KCNC1: variants seen among roughly 807,000 people sequenced by gnomAD.
KCNC1 encodes potassium voltage-gated channel subfamily C member 1.
In KCNC1, 8 loss-of-function variants were observed where a neutral mutation model predicts 43.4. The observed-to-expected ratio is 0.18, with a 90% CI of 0.11 to 0.33. The LOEUF (loss-of-function observed/expected upper bound fraction) is 0.33. Among genes scored for constraint, KCNC1 ranks in the 10% least tolerant of loss-of-function variants. The pLI is 1.00. For missense variants in KCNC1, 420 were observed against 836.0 expected (o/e 0.50, Z 6.14); for synonymous variants, 361 against 360.5 (o/e 1.00, Z -0.01).
chr11:17,775,986 G>A, intron 2 of KCNC1: 1 of 985,396 alleles, frequency 1.0e-6, no homozygotes, highest in Non-Finnish European at 1.2e-6. Context: ...TCCATGGAGG[G>A]GGGAGGGAGC....
chr11:17,781,749 C>T lies in KCNC1; in HGVS notation c.*15C>T, dbSNP rs753071399. On this transcript the variant is annotated 3_prime_UTR_variant, in exon 4 of 4. Transcript: ENST00000265969. This position sits in a 1 kb window ranked among gnomAD's most constrained non-coding sequence, Gnocchi z 5.1. ...GAGTGACTTGACCAGGCGGCTTGGC[C>T]GAGGACACTGGTGGCTATTAAGCAT... 64 of 1,542,888 alleles carry T rather than the reference C, an allele frequency of 4.1e-5. No individual in the cohort carries two copies. In the Admixed American group the frequency reaches 5.5e-4, roughly 13 times the overall value.
chr11:17,764,289 T>A lies in KCNC1; in HGVS notation c.571-7376T>A, dbSNP rs528526207. Among the ~76,000 whole-genome samples the A allele has an allele frequency of 8.1e-3, 1,026 of 125,966 alleles. 13 individuals are homozygous for A. The highest frequency in any genetic ancestry group is 8.9e-3 in the Non-Finnish European group (570 of 63,744). The allele number at this position is 125,966 out of a possible 152,430, so 82.6% of individuals were successfully genotyped here. ...CGCACACAAAGTTCCATACACACACTCACACACACCACTTCATACCTGTCT... is the reference window on the plus strand; with the variant it reads ...CGCACACAAAGTTCCATACACACACACACACACACCACTTCATACCTGTCT... On this transcript the variant is annotated intron_variant, in intron 1 of 3. Transcript: ENST00000265969.
At chr11:17,761,626 A>G (rs1206570752) in intron 1 of KCNC1, among the ~76,000 whole-genome samples, 1 of 152,170 alleles carries the variant, frequency 6.6e-6, no homozygotes, top group Non-Finnish European at 1.5e-5. Flanking sequence ...AGGTCTCTGG[A>G]GCCAAGTCCA....
Position 17,779,303 on chromosome 11 carries a change from C to CT in KCNC1, c.1505-151dup. ...CTGAACCCCCCACCAAGCCCCCTGCCTTGTGCCCTCCTCGCTCCACAGCCT... is the reference window on the plus strand; with the variant it reads ...CTGAACCCCCCACCAAGCCCCCTGCCTTTGTGCCCTCCTCGCTCCACAGCCT... On this transcript the variant is annotated intron_variant, in intron 2 of 3. Coordinates refer to ENST00000265969, the MANE Select transcript of KCNC1 (RefSeq NM_001112741.2). This position sits in a 1 kb window ranked among gnomAD's most constrained non-coding sequence, Gnocchi z 7.2. 1.6e-6 allele frequency: 1 copy of CT among 617,580 alleles called. No individual in the cohort carries two copies. The highest frequency in any genetic ancestry group is 2.7e-6 in the Non-Finnish European group (1 of 366,678). 38.3% of individuals were successfully genotyped at this position (617,580 alleles called of 1,614,324 possible).
At position 17,739,282 on chromosome 11, in the gene KCNC1, G is replaced by C. The variant is rs765809337; in HGVS notation, c.570+2710G>C. Among the ~76,000 whole-genome samples the C allele has an allele frequency of 4.6e-5, 7 of 152,222 alleles. No individual in the cohort carries two copies. The highest frequency in any genetic ancestry group is 6.5e-5 in the Admixed American group (1 of 15,284). Reference sequence around the variant, plus strand: ...TGTGTGAAGGAAAGGCTGTATGTGTGAGACAGAGGCTCTTTGTAAGAGAGA... The same window carrying C: ...TGTGTGAAGGAAAGGCTGTATGTGTCAGACAGAGGCTCTTTGTAAGAGAGA... On this transcript the variant is annotated intron_variant, in intron 1 of 3. Transcript: ENST00000265969. The surrounding 1 kb of genome is among the most constrained non-coding windows in gnomAD (Gnocchi z 4.2).
At chr11:17,740,566 G>A (rs1406386863) in intron 1 of KCNC1, among the ~76,000 whole-genome samples, 1 of 152,150 alleles carries the variant, frequency 6.6e-6, no homozygotes, top group South Asian at 2.1e-4. Context: ...TCTCTGATTT[G>A]CATGTCATCA....
chr11:17,778,323 C>T (rs1462470556), intron 2 of KCNC1, among the ~76,000 whole-genome samples: 2 of 152,256 alleles, frequency 1.3e-5, no homozygotes, highest in Non-Finnish European at 2.9e-5. Context: ...TCCCAGACCT[C>T]CTCCCAGGCT....
At chr11:17,764,135 A>G (rs1247588944) in intron 1 of KCNC1, among the ~76,000 whole-genome samples, 14 of 124,858 alleles carry the variant, frequency 1.1e-4, no homozygotes, top group Middle Eastern at 9.5e-3. Context: ...ACACACACAC[A>G]CCCCCCCACA....
chr11:17,764,290 C>T lies in KCNC1; in HGVS notation c.571-7375C>T, dbSNP rs574865196. The stretch of plus-strand genomic sequence containing the variant: ...GCACACAAAGTTCCATACACACACT[C>T]ACACACACCACTTCATACCTGTCTC... On this transcript the variant is annotated intron_variant, in intron 1 of 3. Transcript: ENST00000265969. 2.3e-5 allele frequency among the ~76,000 whole-genome samples: 3 copies of T among 129,886 alleles called. No individual in the cohort carries two copies. The South Asian group carries it at 6.9e-4, about 30-fold the overall frequency. 85.2% of individuals were successfully genotyped at this position (129,886 alleles called of 152,430 possible).
chr11:17,768,622 GGC>G (rs1341903567), intron 1 of KCNC1, among the ~76,000 whole-genome samples: 1 of 150,736 alleles, frequency 6.6e-6, no homozygotes, highest in Non-Finnish European at 1.5e-5. Context: ...TGGGGGGGGG[GGC>G]GGTTTGGGAA....
intron 1 of KCNC1, among the ~76,000 whole-genome samples, chr11:17,746,079 G>T (rs1189586325): frequency 2.0e-5 from 3 of 152,198 alleles, no homozygotes; most frequent in Non-Finnish European, 4.4e-5. Context: ...AGCAAGTAGG[G>T]TTCAAGGCCG....
At chr11:17,749,201 C>G (rs532433131) in intron 1 of KCNC1, among the ~76,000 whole-genome samples, 1 of 152,348 alleles carries the variant, frequency 6.6e-6, no homozygotes, top group East Asian at 1.9e-4. Flanking sequence ...ACGAGAGTCC[C>G]TACTTCAAAG....
chr11:17,767,744 G>A (rs562909511), intron 1 of KCNC1, among the ~76,000 whole-genome samples: 77 of 152,324 alleles, frequency 5.1e-4, no homozygotes, highest in South Asian at 3.3e-3. Flanking sequence ...GAAGGCAGGC[G>A]CCCAGGGAGC....
intron 1 of KCNC1, among the ~76,000 whole-genome samples, chr11:17,752,303 G>A (rs543723275): frequency 2.0e-5 from 3 of 152,176 alleles, no homozygotes; most frequent in Non-Finnish European, 4.4e-5. Flanking sequence ...CCAGCACCAA[G>A]CTGCACCCCC....
In KCNC1 at chr11:17,763,033, T is replaced by C. The variant is rs150533676; in HGVS notation, c.571-8632T>C. Among the ~76,000 whole-genome samples the C allele has an allele frequency of 5.3e-3, 813 of 152,322 alleles. 6 individuals are homozygous for C. The highest frequency in any genetic ancestry group is 0.019 in the African/African-American group (777 of 41,562). ...TACGCATCTTGGGATGAAAGTACCATAGGAACCCCTGCCACCTCGGGATGG... is the reference window on the plus strand; with the variant it reads ...TACGCATCTTGGGATGAAAGTACCACAGGAACCCCTGCCACCTCGGGATGG... On this transcript the variant is annotated intron_variant, in intron 1 of 3. Coordinates refer to ENST00000265969, the MANE Select transcript of KCNC1 (RefSeq NM_001112741.2).
chr11:17,761,646 T>C (rs540203056), intron 1 of KCNC1, among the ~76,000 whole-genome samples: 111 of 152,302 alleles, frequency 7.3e-4, no homozygotes, highest in Non-Finnish European at 3.7e-4. Context: ...AGGCCTCCTT[T>C]CCTTCCACCA....
At chr11:17,760,807 C>A (rs924701524) in intron 1 of KCNC1, among the ~76,000 whole-genome samples, 2 of 152,236 alleles carry the variant, frequency 1.3e-5, no homozygotes, top group Non-Finnish European at 2.9e-5. Flanking sequence ...TTCTTTCCCT[C>A]TGAATGGCAG....
Position 17,779,518 on chromosome 11 carries a change from G to A in KCNC1, c.1567G>A (p.Asp523Asn), listed in dbSNP as rs2133810423. 1 of 1,551,470 alleles carries A rather than the reference G, an allele frequency of 6.4e-7. No individual in the cohort carries two copies. The highest frequency in any genetic ancestry group is 8.7e-7 in the Non-Finnish European group (1 of 1,146,934). Residue 523 changes from aspartate to asparagine, a missense_variant, in exon 3 of 4, where the codon GAC becomes AAC. By Grantham distance (23) the Asp-to-Asn change is conservative (BLOSUM62 1). Around this residue, in one of 5 missense-constraint regions of KCNC1, gnomAD observed 147 missense variants for 176.1 expected, o/e 0.83. Transcript: ENST00000265969. The surrounding 1 kb of genome is among the most constrained non-coding windows in gnomAD (Gnocchi z 7.2). ...GGCGAACGAAGACTGCCCCCACATAGACCAGGCCCTCACTCCCGATGAGGG... is the reference window on the plus strand; with the variant it reads ...GGCGAACGAAGACTGCCCCCACATAAACCAGGCCCTCACTCCCGATGAGGG... Reference protein sequence around the residue: ...ALANEDCPHIDQALTPDEGLP... With the variant: ...ALANEDCPHINQALTPDEGLP...
chr11:17,774,222 T>C, intron 2 of KCNC1: 1 of 985,488 alleles, frequency 1.0e-6, no homozygotes, highest in Non-Finnish European at 1.2e-6. Context: ...TTGGATTAGC[T>C]AGTTACTTGA....
Sources: gnomAD v4.1 joint callset for allele counts (sites outside exome capture counted in the v4.1 genomes callset) on GRCh38, gnomAD v4.1.1 for gene constraint, gnomAD v4.1.1 regional missense constraint, Gnocchi (gnomAD v3.1) non-coding constraint, MANE v1.5 for transcripts, NCBI Gene and HGNC (gene_info 2026-07-23, HGNC 2026-07-21) for gene names.